PM20D2: variants seen among roughly 807,000 people sequenced by gnomAD.
The protein encoded by PM20D2 is xaa-Arg dipeptidase.
A neutral mutation model predicts 42.9 loss-of-function variants in PM20D2; 33 were observed. That is an observed-to-expected ratio of 0.77 (90% CI 0.58 to 1.03). The LOEUF (loss-of-function observed/expected upper bound fraction) is 1.03, where lower values mean the gene tolerates loss of function less well. Among genes scored for constraint, PM20D2 ranks in the 50% least tolerant of loss-of-function variants. The probability of loss-of-function intolerance (pLI) is 0.00; values close to 1 mark genes in which losing one functional copy is unlikely to be tolerated. For missense variants in PM20D2, 548 were observed against 557.0 expected (o/e 0.98, Z 0.16); for synonymous variants, 250 against 228.2 (o/e 1.10, Z -0.86).
At position 89,164,699 on chromosome 6, in the gene PM20D2, A is replaced by G. The variant is rs1381602875; in HGVS notation, c.*2436A>G. ...TATTAAACACAGGTACAAGTTGGAA[A>G]TTGTAGAAAACTGAAAGAAAACAAG... On this transcript the variant is annotated 3_prime_UTR_variant, in exon 7 of 7. Transcript: ENST00000275072. The G allele has an allele frequency of 6.6e-6, 1 of 152,512 alleles. No homozygotes were observed. The highest frequency in any genetic ancestry group is 1.5e-5 in the Non-Finnish European group (1 of 67,982). The allele number at this position is 152,512 out of a possible 1,614,324, so 9.4% of individuals were successfully genotyped here.
intron 5 of PM20D2, 77 bp downstream of exon 5, chr6:89,158,537 A>G (rs2127781133): frequency 3.3e-6 from 5 of 1,520,690 alleles, no homozygotes; most frequent in Middle Eastern, 1.7e-4. Flanking sequence ...GTTGTATTTA[A>G]TGGTTTGGGA....
the PM20D2 span, among the ~76,000 whole-genome samples, chr6:89,100,979 C>A: frequency 0.012 from 1,885 of 152,064 alleles, 49 homozygotes; most frequent in African/African-American, 0.044. Flanking sequence ...GTGGTGCATG[C>A]CTATAATCCC....
At chr6:89,147,698 A>G (rs1284782201) in intron 1 of PM20D2, among the ~76,000 whole-genome samples, 1 of 151,060 alleles carries the variant, frequency 6.6e-6, no homozygotes, top group Non-Finnish European at 1.5e-5. Context: ...CCTGGCCAAC[A>G]TGGTGAAACC....
intron 1 of PM20D2, among the ~76,000 whole-genome samples, chr6:89,147,979 C>CTTTT (rs397888770): frequency 1.1e-5 from 1 of 95,178 alleles, no homozygotes; most frequent in African/African-American, 4.3e-5. Flanking sequence ...AATGTACACT[C>CTTTT]TTTTTTTTTT....
chr6:89,141,987 T>C (rs1466578078), upstream of PM20D2, among the ~76,000 whole-genome samples: 3 of 151,802 alleles, frequency 2.0e-5, no homozygotes, highest in Non-Finnish European at 4.4e-5. Context: ...ATTTATTTTA[T>C]TTTATTTTAT....
upstream of PM20D2, among the ~76,000 whole-genome samples, chr6:89,142,735 G>T (rs1770372196): frequency 6.6e-6 from 1 of 152,120 alleles, no homozygotes; most frequent in Admixed American, 6.5e-5. Context: ...TCGGCTCACT[G>T]CAAGCTCCAC....
the PM20D2 span, among the ~76,000 whole-genome samples, chr6:89,137,055 T>C: frequency 2.0e-5 from 3 of 151,310 alleles, no homozygotes; most frequent in African/African-American, 7.4e-5. Context: ...TAAAGTGTTA[T>C]AATTTCTCCT....
the PM20D2 span, among the ~76,000 whole-genome samples, chr6:89,101,275 G>A: frequency 1.8e-4 from 28 of 152,188 alleles, no homozygotes; most frequent in Non-Finnish European, 3.8e-4. Flanking sequence ...TAAGGCAGAA[G>A]CAATATTTGA....
chr6:89,106,874 C>A, the PM20D2 span: 1 of 462,846 alleles, frequency 2.2e-6, no homozygotes. Context: ...TCTTCCAGGT[C>A]TTTATATCTG....
At chr6:89,131,469 T>C in the PM20D2 span, among the ~76,000 whole-genome samples, 1 of 151,792 alleles carries the variant, frequency 6.6e-6, no homozygotes, top group Admixed American at 6.6e-5. Flanking sequence ...GGGAAGATAA[T>C]TTCAGCTCAG....
the PM20D2 span, among the ~76,000 whole-genome samples, chr6:89,114,041 G>T: frequency 6.6e-6 from 1 of 152,164 alleles, no homozygotes; most frequent in African/African-American, 2.4e-5. Flanking sequence ...TACATGTGAT[G>T]ATTCTAATTT....
the PM20D2 span, chr6:89,096,033 A>C: frequency 6.6e-6 from 1 of 152,240 alleles, no homozygotes; most frequent in African/African-American, 2.4e-5. Flanking sequence ...TCTATGACAA[A>C]AGTGAACCCT....
chr6:89,129,590 T>A, the PM20D2 span, among the ~76,000 whole-genome samples: 1 of 19,822 alleles, frequency 5.0e-5, no homozygotes, highest in Admixed American at 4.8e-4. Flanking sequence ...TGTTTCTAAT[T>A]TTTTTTTTTT....
At chr6:89,135,878 T>C in the PM20D2 span, among the ~76,000 whole-genome samples, 3 of 151,206 alleles carry the variant, frequency 2.0e-5, no homozygotes, top group Admixed American at 1.3e-4. Context: ...AGACTGACTT[T>C]TATCTCCATT....
the PM20D2 span, among the ~76,000 whole-genome samples, chr6:89,133,389 T>C: frequency 7.9e-5 from 12 of 151,316 alleles, no homozygotes; most frequent in East Asian, 1.9e-4. Context: ...TATTGTTTTA[T>C]GTAATTATAT....
chr6:89,124,514 G>C, the PM20D2 span, among the ~76,000 whole-genome samples: 5 of 152,174 alleles, frequency 3.3e-5, no homozygotes, highest in Middle Eastern at 6.8e-3. Context: ...TAGTTCTCTG[G>C]CGGGGAGTAC....
At chr6:89,110,993 T>A in the PM20D2 span, among the ~76,000 whole-genome samples, 616 of 152,126 alleles carry the variant, frequency 4.0e-3, 5 homozygotes, top group Non-Finnish European at 4.1e-3. Context: ...GTGTCTATAA[T>A]CCCAGCTACT....
At position 89,164,315 on chromosome 6, in the gene PM20D2, G is replaced by A. The variant is rs531260742; in HGVS notation, c.*2052G>A. ...TACAATTTCAGCAGTTGAATTCAGT[G>A]AACACTGGTTGAGGAGTGCCTATTT... On this transcript the variant is annotated 3_prime_UTR_variant, in exon 7 of 7. Coordinates refer to ENST00000275072, the MANE Select transcript of PM20D2 (RefSeq NM_001010853.3). The A allele has an allele frequency of 9.2e-5, 14 of 152,612 alleles. No individual in the cohort carries two copies. Among genetic ancestry groups the A allele is most frequent in the African/African-American group, 3.4e-4 (14 of 41,568 alleles). The allele number at this position is 152,612 out of a possible 1,614,324, so 9.5% of individuals were successfully genotyped here.
chr6:89,100,497 T>C, the PM20D2 span, among the ~76,000 whole-genome samples: 1 of 146,866 alleles, frequency 6.8e-6, no homozygotes, highest in South Asian at 2.2e-4. Flanking sequence ...CTCTATAATT[T>C]TTTGTCCATG....
Sources: gnomAD v4.1 joint callset for allele counts (sites outside exome capture counted in the v4.1 genomes callset) on GRCh38, gnomAD v4.1.1 for gene constraint, MANE v1.5 for transcripts, NCBI Gene and HGNC (gene_info 2026-07-23, HGNC 2026-07-21) for gene names.